Variants in PLXNA4 observed in about 807,000 individuals in gnomAD.
PLXNA4 encodes the protein plexin A4.
PLXNA4 carries 44 observed loss-of-function variants against 191.8 expected under a neutral mutation model. The observed-to-expected ratio is 0.23, with a 90% CI of 0.18 to 0.29. The LOEUF is 0.29. Among genes scored for constraint, PLXNA4 ranks in the 10% least tolerant of loss-of-function variants. The pLI, the probability that PLXNA4 is intolerant of heterozygous loss-of-function variation, is 1.00. For synonymous variants in PLXNA4, 1,082 were observed against 1,009.5 expected, an observed-to-expected ratio of 1.07 and a Z score of -1.36; for missense variants, 1,800 against 2,488.8, an observed-to-expected ratio of 0.72 and a Z score of 5.89.
Position 132,211,030 on chromosome 7 carries a change from G to A in PLXNA4, c.2211C>T (p.Tyr737=), listed in dbSNP as rs369277253. 33 of 1,613,902 alleles carry A rather than the reference G, an allele frequency of 2.0e-5. No individual in the cohort carries two copies. Among genetic ancestry groups the A allele is most frequent in the Middle Eastern group, 3.3e-4 (2 of 6,076 alleles). Residue 737 remains tyrosine (Y), a synonymous_variant, in exon 10 of 32, where the codon TAC becomes TAT. Coordinates refer to ENST00000321063, the MANE Select transcript of PLXNA4 (RefSeq NM_020911.2). ...LPQPQSGQRG[Y]ECILNIQGSE... ...TGCCCTGAATGTTGAGGATGCATTC[G>A]TAGCCACGCTGCCCAGACTGGGGCT...
At chr7:132,636,006 T>A (rs1283849444) in intron 2 of PLXNA4, among the ~76,000 whole-genome samples, 1 of 152,164 alleles carries the variant, frequency 6.6e-6, no homozygotes, top group Non-Finnish European at 1.5e-5. Flanking sequence ...AGAAGCCCTC[T>A]CAACAGAACT....
At chr7:132,323,154 C>T (rs989337848) in intron 3 of PLXNA4, among the ~76,000 whole-genome samples, 2 of 152,198 alleles carry the variant, frequency 1.3e-5, no homozygotes, top group Non-Finnish European at 2.9e-5. Flanking sequence ...CCTTGTCCAG[C>T]CTGTCTTCCC....
chr7:132,261,942 A>G (rs1025068611), intron 4 of PLXNA4, among the ~76,000 whole-genome samples: 3 of 152,088 alleles, frequency 2.0e-5, no homozygotes, highest in Non-Finnish European at 4.4e-5. Context: ...ACCCAAAACC[A>G]ATCTCAGCTC....
chr7:132,223,478 C>G, intron 9 of PLXNA4, 49 bp downstream of exon 9: 2 of 1,469,628 alleles, frequency 1.4e-6, no homozygotes, highest in Non-Finnish European at 1.9e-6. Context: ...CTTCTGTGTC[C>G]CATGCTCACA....
At chr7:132,240,847 T>C (rs973444794) in intron 5 of PLXNA4, among the ~76,000 whole-genome samples, 1 of 152,144 alleles carries the variant, frequency 6.6e-6, no homozygotes, top group South Asian at 2.1e-4. Context: ...CATGCCACCG[T>C]TGCCATATAT....
At chr7:132,439,978 G>A (rs1795628545) in intron 3 of PLXNA4, among the ~76,000 whole-genome samples, 1 of 115,380 alleles carries the variant, frequency 8.7e-6, no homozygotes, top group Non-Finnish European at 1.8e-5. Flanking sequence ...GCACACATGT[G>A]TGCATGTGCA....
At chr7:132,304,951 T>C (rs569726501) in intron 3 of PLXNA4, among the ~76,000 whole-genome samples, 4 of 152,338 alleles carry the variant, frequency 2.6e-5, no homozygotes, top group African/African-American at 9.6e-5. Context: ...TGCTGCTGCA[T>C]GGGCCTCATT....
At chr7:132,277,085 G>A (rs1800309212) in intron 4 of PLXNA4, among the ~76,000 whole-genome samples, 1 of 152,188 alleles carries the variant, frequency 6.6e-6, no homozygotes, top group African/African-American at 2.4e-5. Context: ...AGGAGAGGAA[G>A]GAGTCACTTG....
At chr7:132,353,435 G>A (rs549980551) in intron 3 of PLXNA4, among the ~76,000 whole-genome samples, 15 of 143,984 alleles carry the variant, frequency 1.0e-4, no homozygotes, top group Admixed American at 2.0e-4. Context: ...TTGTGTACTC[G>A]GTTCTATGCA....
At chr7:132,205,070 C>G (rs1023441164) in intron 10 of PLXNA4, among the ~76,000 whole-genome samples, 3 of 152,212 alleles carry the variant, frequency 2.0e-5, no homozygotes, top group African/African-American at 7.2e-5. Flanking sequence ...GGGCCAAGGC[C>G]AGGGTCCGAG....
chr7:132,562,945 T>TCCTCCTCTC, intron 1 of PLXNA4, among the ~76,000 whole-genome samples: 1 of 75,250 alleles, frequency 1.3e-5, no homozygotes, highest in Non-Finnish European at 2.8e-5. Flanking sequence ...CTCCTCTCCC[T>TCCTCCTCTC]CCTCCTCCTC....
intron 3 of PLXNA4, among the ~76,000 whole-genome samples, chr7:132,462,836 ATTTTTTTTT>A (rs57607720): frequency 1.1e-5 from 1 of 88,928 alleles, no homozygotes. Flanking sequence ...CATTTCTATA[ATTTTTTTTT>A]TTTTTTTTTT....
Position 132,128,523 on chromosome 7 carries a change from A to G in PLXNA4, c.*1956T>C, listed in dbSNP as rs1308029774. On this transcript the variant is annotated 3_prime_UTR_variant, in exon 32 of 32. Coordinates refer to ENST00000321063, the MANE Select transcript of PLXNA4 (RefSeq NM_020911.2). ...CCTGAAGCTGCAGGATGAATGGATG[A>G]GCAAGGGGAAAGAGAAGGGGAACAC... 1 of 52,730 alleles carries G rather than the reference A, an allele frequency of 1.9e-5. No individual in the cohort carries two copies. The highest frequency in any genetic ancestry group is 3.7e-5 in the African/African-American group (1 of 27,156). The allele number at this position is 52,730 out of a possible 1,614,324, so 3.3% of individuals were successfully genotyped here.
chr7:132,352,878 A>T (rs1340348124), intron 3 of PLXNA4, among the ~76,000 whole-genome samples: 1 of 152,204 alleles, frequency 6.6e-6, no homozygotes, highest in East Asian at 1.9e-4. Flanking sequence ...TAAAAGTAAC[A>T]GACCTCACCA....
chr7:132,307,876 C>T (rs756093185), intron 3 of PLXNA4, among the ~76,000 whole-genome samples: 63 of 152,270 alleles, frequency 4.1e-4, no homozygotes, highest in Middle Eastern at 6.8e-3. Flanking sequence ...ATTAATTAGA[C>T]AGGCAGTGTG....
chr7:132,192,522 G>A (rs1797124503), intron 14 of PLXNA4, among the ~76,000 whole-genome samples: 1 of 151,090 alleles, frequency 6.6e-6, no homozygotes, highest in African/African-American at 2.4e-5. Flanking sequence ...GAGAGGAAAG[G>A]AGGAGAGAGA....
At chr7:132,422,009 C>T (rs1287705910) in intron 3 of PLXNA4, among the ~76,000 whole-genome samples, 2 of 152,218 alleles carry the variant, frequency 1.3e-5, no homozygotes, top group Non-Finnish European at 2.9e-5. Flanking sequence ...GTAATGTCTT[C>T]AAAGTGCCCT....
At chr7:132,327,940 G>A (rs77274454) in intron 3 of PLXNA4, among the ~76,000 whole-genome samples, 2,474 of 152,228 alleles carry the variant, frequency 0.016, 75 homozygotes, top group African/African-American at 0.056. Context: ...AGGGAGAGCC[G>A]CCCTGTGTGG....
chr7:132,462,843 T>C (rs1191803267), intron 3 of PLXNA4, among the ~76,000 whole-genome samples: 1 of 144,158 alleles, frequency 6.9e-6, no homozygotes, highest in Non-Finnish European at 1.5e-5. Flanking sequence ...ATAATTTTTT[T>C]TTTTTTTTTT....
Sources: gnomAD v4.1 joint callset for allele counts (sites outside exome capture counted in the v4.1 genomes callset) on GRCh38, gnomAD v4.1.1 for gene constraint, MANE v1.5 for transcripts, NCBI Gene and HGNC (gene_info 2026-07-23, HGNC 2026-07-21) for gene names.